KANK1: variants seen among roughly 807,000 people sequenced by gnomAD.
The protein encoded by KANK1 is KN motif and ankyrin repeat domains 1.
A neutral mutation model predicts 106.2 loss-of-function variants in KANK1; 109 were observed. That is an observed-to-expected ratio of 1.03 (90% CI 0.88 to 1.20). The LOEUF (loss-of-function observed/expected upper bound fraction) is 1.20. KANK1 is among the 50% of genes most tolerant of loss of function. KANK1 has a pLI of 0.00. For missense variants in KANK1, 2,399 were observed against 1,710.7 expected (o/e 1.40, Z -7.10); for synonymous variants, 873 against 652.2 (o/e 1.34, Z -5.16).
chr9:694,899 A>T (rs1392480427), intron 2 of KANK1, among the ~76,000 whole-genome samples: 1 of 152,104 alleles, frequency 6.6e-6, no homozygotes, highest in Non-Finnish European at 1.5e-5. Flanking sequence ...GCCTGAGCTC[A>T]TCTGGTCTGA....
intron 1 of KANK1, among the ~76,000 whole-genome samples, chr9:670,949 G>GTTTTTTGTTTTTT (rs1845739347): frequency 1.9e-5 from 2 of 103,044 alleles, no homozygotes; most frequent in African/African-American, 6.6e-5. Flanking sequence ...GTCTGCTGGA[G>GTTTTTTGTTTTTT]TTTTTTTTTT....
chr9:478,171 G>A, intron 3 of KANK1: 1 of 179,796 alleles, frequency 5.6e-6, no homozygotes, highest in Non-Finnish European at 1.2e-5. Flanking sequence ...CATTTTTCAT[G>A]ACACTGTCAA....
At chr9:526,448 C>T (rs758338032) in intron 1 of KANK1, among the ~76,000 whole-genome samples, 9 of 151,662 alleles carry the variant, frequency 5.9e-5, no homozygotes, top group Admixed American at 3.9e-4. Flanking sequence ...TGTGGTGGCT[C>T]GTGCCTGTAA....
At chr9:593,145 C>T (rs1191178713) in intron 1 of KANK1, among the ~76,000 whole-genome samples, 4 of 151,816 alleles carry the variant, frequency 2.6e-5, no homozygotes, top group Admixed American at 2.6e-4. Context: ...CCAGTGACTA[C>T]CTTTCCTAAC....
chr9:620,406 T>TA (rs201096866), intron 1 of KANK1, among the ~76,000 whole-genome samples: 6 of 148,202 alleles, frequency 4.0e-5, no homozygotes, highest in South Asian at 2.1e-4. Context: ...ATAATTATAA[T>TA]TTTTTTTTTT....
intron 1 of KANK1, among the ~76,000 whole-genome samples, chr9:619,965 T>C (rs955015221): frequency 4.6e-5 from 7 of 151,950 alleles, no homozygotes; most frequent in African/African-American, 1.7e-4. Flanking sequence ...GGCAAAACCC[T>C]GTGTCTACTA....
intron 9 of KANK1, among the ~76,000 whole-genome samples, chr9:741,610 C>A (rs1410094391): frequency 6.6e-6 from 1 of 151,984 alleles, no homozygotes; most frequent in African/African-American, 2.4e-5. Context: ...GCCTCAGCCT[C>A]CCAAGTAGCT....
intron 6 of KANK1, chr9:733,641 G>C (rs560357258): frequency 1.3e-5 from 2 of 152,112 alleles, no homozygotes; most frequent in African/African-American, 4.8e-5. Flanking sequence ...AATTACCTGG[G>C]CATGGTGTCA....
At chr9:662,072 C>T (rs1843452122) in intron 1 of KANK1, among the ~76,000 whole-genome samples, 1 of 152,106 alleles carries the variant, frequency 6.6e-6, no homozygotes, top group African/African-American at 2.4e-5. Flanking sequence ...AACTCCCATT[C>T]ACAATTGCTT....
chr9:556,603 G>C (rs1221167235), intron 1 of KANK1, among the ~76,000 whole-genome samples: 2 of 152,216 alleles, frequency 1.3e-5, no homozygotes, highest in Non-Finnish European at 2.9e-5. Flanking sequence ...TCCAAAGTGA[G>C]ATTTTTAAAG....
intron 1 of KANK1, among the ~76,000 whole-genome samples, chr9:535,207 C>A (rs962987873): frequency 2.0e-5 from 3 of 152,200 alleles, no homozygotes. Flanking sequence ...CCTCAGACCT[C>A]AGTACCTATG....
intron 2 of KANK1, among the ~76,000 whole-genome samples, chr9:680,286 A>G (rs1173896033): frequency 6.6e-6 from 1 of 152,112 alleles, no homozygotes; most frequent in Non-Finnish European, 1.5e-5. Context: ...TTGGCACAAA[A>G]TACATCCGAC....
intron 2 of KANK1, chr9:707,312 G>C (rs934101546): frequency 5.8e-6 from 5 of 865,476 alleles, no homozygotes; most frequent in Admixed American, 1.2e-4. Context: ...CCTGGGCGAG[G>C]GGGGCCGGCC....
chr9:482,975 C>T (rs1442264343), intron 3 of KANK1, among the ~76,000 whole-genome samples: 2 of 152,210 alleles, frequency 1.3e-5, no homozygotes, highest in African/African-American at 4.8e-5. Flanking sequence ...GGCTCCCTGC[C>T]TGTTAATCAC....
chr9:600,597 C>G (rs1285324644), intron 1 of KANK1, among the ~76,000 whole-genome samples: 1 of 151,838 alleles, frequency 6.6e-6, no homozygotes, highest in Non-Finnish European at 1.5e-5. Flanking sequence ...GATCCAACTT[C>G]ATATTAGTAG....
At chr9:738,198 T>A (rs1353329154) in intron 7 of KANK1, 87 bp from the exon 8 acceptor site, 28 of 1,083,684 alleles carry the variant, frequency 2.6e-5, no homozygotes, top group Non-Finnish European at 3.8e-5. Context: ...ATACTTTGAC[T>A]ATAAAAGGAC....
intron 1 of KANK1, among the ~76,000 whole-genome samples, chr9:582,172 TAGAGG>T (rs1822333379): frequency 6.6e-6 from 1 of 152,108 alleles, no homozygotes; most frequent in African/African-American, 2.4e-5. Flanking sequence ...GTTCCCCACG[TAGAGG>T]TGGCAACTGC....
chr9:569,916 C>T (rs147854388), intron 1 of KANK1, among the ~76,000 whole-genome samples: 2 of 151,798 alleles, frequency 1.3e-5, no homozygotes, highest in East Asian at 1.9e-4. Flanking sequence ...TCATCAGATT[C>T]CGTAACACTT....
chr9:634,424 A>T (rs1002849261), intron 1 of KANK1, among the ~76,000 whole-genome samples: 3 of 152,168 alleles, frequency 2.0e-5, no homozygotes, highest in Admixed American at 2.0e-4. Context: ...GCATCTCAAA[A>T]GACTAATCTT....
Sources: gnomAD v4.1 joint callset for allele counts (sites outside exome capture counted in the v4.1 genomes callset) on GRCh38, gnomAD v4.1.1 for gene constraint, MANE v1.5 for transcripts, NCBI Gene and HGNC (gene_info 2026-07-23, HGNC 2026-07-21) for gene names.